Variants in TOGARAM1 observed in about 807,000 individuals in gnomAD.
The protein encoded by TOGARAM1 is TOG array regulator of axonemal microtubules 1, also known as TOG array regulator of axonemal microtubules protein 1.
A neutral mutation model predicts 166.6 loss-of-function variants in TOGARAM1; 100 were observed. The observed-to-expected ratio is 0.60, with a 90% CI of 0.51 to 0.71. TOGARAM1 has a LOEUF of 0.71. Among genes scored for constraint, TOGARAM1 ranks in the 30% least tolerant of loss-of-function variants. The pLI is 0.00. For missense variants in TOGARAM1, 2,029 were observed against 2,102.7 expected, an observed-to-expected ratio of 0.96 and a Z score of 0.69; for synonymous variants, 758 against 763.8, an observed-to-expected ratio of 0.99 and a Z score of 0.13.
intron 18 of TOGARAM1, 90 bp downstream of exon 18, chr14:45,068,733 C>T (rs1027964595): frequency 1.1e-6 from 1 of 905,522 alleles, no homozygotes; most frequent in Admixed American, 3.1e-5. Context: ...ATGCTGAAAT[C>T]CTAGTTATTC....
chr14:45,046,535 C>T lies in TOGARAM1; in HGVS notation c.4155-10C>T, dbSNP rs1267775545. The T allele has an allele frequency of 3.1e-6, 4 of 1,275,266 alleles. No individual in the cohort carries two copies. The allele number at this position is 1,275,266 out of a possible 1,614,324, so 79.0% of individuals were successfully genotyped here. ...ACAACTCTGTTTTAATTGATCATGT[C>T]TCCTTGTAGCCATTTACACATTGCT... On this transcript the variant is annotated splice_polypyrimidine_tract_variant and intron_variant, in intron 13 of 19. Coordinates refer to ENST00000361462, the MANE Select transcript of TOGARAM1 (RefSeq NM_001308120.2).
intron 13 of TOGARAM1, among the ~76,000 whole-genome samples, chr14:45,045,710 TATATACAC>T (rs1456338347): frequency 1.4e-4 from 18 of 131,226 alleles, no homozygotes; most frequent in Non-Finnish European, 2.4e-4. Context: ...TATGTGTATA[TATATACAC>T]ATATATACAC....
chr14:45,061,347 T>A (rs1423633214), intron 16 of TOGARAM1, among the ~76,000 whole-genome samples: 3 of 152,228 alleles, frequency 2.0e-5, no homozygotes, highest in Non-Finnish European at 4.4e-5. Flanking sequence ...TTGTATTTCA[T>A]TTCCTCCTTT....
intron 11 of TOGARAM1, among the ~76,000 whole-genome samples, chr14:45,033,698 G>C (rs1881285031): frequency 6.6e-6 from 1 of 152,204 alleles, no homozygotes. Flanking sequence ...TCAAAAAGAA[G>C]TAATCCAACA....
At chr14:45,046,100 A>G (rs1164253554) in intron 13 of TOGARAM1, among the ~76,000 whole-genome samples, 3 of 152,108 alleles carry the variant, frequency 2.0e-5, no homozygotes, top group African/African-American at 4.8e-5. Context: ...TTTTAGACTC[A>G]CAGGATGATT....
chr14:45,057,814 G>T (rs1019070571), intron 16 of TOGARAM1, among the ~76,000 whole-genome samples: 1 of 152,040 alleles, frequency 6.6e-6, no homozygotes, highest in Non-Finnish European at 1.5e-5. Context: ...TACTTGATTT[G>T]ATTTCAGTTT....
chr14:44,969,899 TG>T (rs1885789481), intron 1 of TOGARAM1, among the ~76,000 whole-genome samples: 1 of 152,234 alleles, frequency 6.6e-6, no homozygotes, highest in African/African-American at 2.4e-5. Flanking sequence ...GCTCCATTAG[TG>T]TGCCTATTTT....
intron 6 of TOGARAM1, among the ~76,000 whole-genome samples, chr14:45,011,549 A>G (rs186515281): frequency 2.0e-5 from 3 of 152,210 alleles, no homozygotes; most frequent in Admixed American, 1.3e-4. Flanking sequence ...TCCTGGGCTC[A>G]AGTGATCCTC....
At chr14:45,048,402 A>G (rs1882193616) in intron 14 of TOGARAM1, among the ~76,000 whole-genome samples, 1 of 151,742 alleles carries the variant, frequency 6.6e-6, no homozygotes, top group African/African-American at 2.4e-5. Flanking sequence ...AATGTTTATT[A>G]TTTTAAGACA....
rs1255596798 is a variant in TOGARAM1 at position 45,043,986 on chromosome 14, GATAATAT to G, written c.3918+199_3918+205del. Among the ~76,000 whole-genome samples the G allele has an allele frequency of 5.3e-5, 8 of 152,256 alleles. No individual in the cohort carries two copies. In the South Asian group the frequency reaches 1.7e-3, roughly 32 times the overall value. On this transcript the variant is annotated intron_variant, in intron 12 of 19. Transcript: ENST00000361462. The stretch of plus-strand genomic sequence containing the variant: ...ATAGATGTTGATTCTTAGGACAAAA[GATAATAT>G]ATATTAAGATGTGGGGTTTTGTTTG...
At chr14:45,037,318 C>T (rs1432665123) in intron 11 of TOGARAM1, among the ~76,000 whole-genome samples, 2 of 152,332 alleles carry the variant, frequency 1.3e-5, no homozygotes, top group East Asian at 3.9e-4. Flanking sequence ...TTTTGATTAA[C>T]TTGAAGTCAA....
Position 45,054,551 on chromosome 14 carries a change from T to C in TOGARAM1, c.4559+2T>C. On this transcript the variant is annotated splice_donor_variant, in intron 16 of 19. Transcript: ENST00000361462. LOFTEE classifies it high-confidence loss of function. ...AGATGCTTTCAATTCAGCTGAAAGGTAAGATGATGTAATAGTCCTCATCAG... is the reference window on the plus strand; with the variant it reads ...AGATGCTTTCAATTCAGCTGAAAGGCAAGATGATGTAATAGTCCTCATCAG... 1 of 1,575,096 alleles carries C rather than the reference T, an allele frequency of 6.3e-7. No individual in the cohort carries two copies. Among genetic ancestry groups the C allele is most frequent in the South Asian group, 1.1e-5 (1 of 89,816 alleles).
chr14:45,029,656 AGT>A (rs1307105084), intron 10 of TOGARAM1, among the ~76,000 whole-genome samples: 1 of 152,216 alleles, frequency 6.6e-6, no homozygotes, highest in African/African-American at 2.4e-5. Flanking sequence ...TGCTACTCAA[AGT>A]GTGTTTCATA....
At chr14:45,053,870 ATATTATTAT>A (rs111579133) in intron 15 of TOGARAM1, among the ~76,000 whole-genome samples, 11 of 151,186 alleles carry the variant, frequency 7.3e-5, no homozygotes, top group African/African-American at 2.4e-4. Flanking sequence ...GAAATACAGC[ATATTATTAT>A]TATTATTATT....
intron 1 of TOGARAM1, among the ~76,000 whole-genome samples, chr14:44,983,681 A>G (rs1227217421): frequency 6.6e-6 from 1 of 152,262 alleles, no homozygotes; most frequent in East Asian, 1.9e-4. Context: ...AAAAACTAAA[A>G]TTATTAAATT....
chr14:45,057,942 T>G (rs1345830881), intron 16 of TOGARAM1, among the ~76,000 whole-genome samples: 1 of 152,218 alleles, frequency 6.6e-6, no homozygotes, highest in Non-Finnish European at 1.5e-5. Flanking sequence ...GTTCTGTAAA[T>G]GTTTGTTAAG....
At chr14:45,034,242 A>G (rs993168762) in intron 11 of TOGARAM1, among the ~76,000 whole-genome samples, 2 of 152,210 alleles carry the variant, frequency 1.3e-5, no homozygotes, top group African/African-American at 4.8e-5. Flanking sequence ...TCTGAGAGAC[A>G]GGAAACAAAC....
chr14:44,990,953 CTTTTTTTTTTTTT>C (rs1171702041), intron 1 of TOGARAM1, among the ~76,000 whole-genome samples: 1 of 74,200 alleles, frequency 1.3e-5, no homozygotes, highest in African/African-American at 7.2e-5. Context: ...CCAGCTGAGG[CTTTTTTTTTTTTT>C]TTTTTTTTTT....
intron 10 of TOGARAM1, 77 bp downstream of exon 10, chr14:45,028,406 G>GT: frequency 7.2e-7 from 1 of 1,397,244 alleles, no homozygotes; most frequent in Non-Finnish European, 9.8e-7. Context: ...TTCACTGAGG[G>GT]TAATATATGA....
Sources: allele counts gnomAD v4.1 joint callset (sites outside exome capture counted in the v4.1 genomes callset), GRCh38; gene constraint gnomAD v4.1.1; transcripts MANE v1.5; gene names NCBI Gene and HGNC (gene_info 2026-07-23, HGNC 2026-07-21).